ROBO2: variants seen among roughly 807,000 people sequenced by gnomAD.
The protein encoded by ROBO2 is roundabout homolog 2.
In ROBO2, 53 loss-of-function variants were observed where a neutral mutation model predicts 160.8. The ratio of observed to expected loss-of-function variants is 0.33; its 90% CI spans 0.26 to 0.41. The LOEUF (loss-of-function observed/expected upper bound fraction) is 0.41, where lower values mean the gene tolerates loss of function less well. Ranked by LOEUF, ROBO2 falls within the 10% of genes least tolerant of loss-of-function variation. ROBO2 has a pLI of 1.00. For missense variants in ROBO2, 1,577 were observed against 1,722.4 expected, an observed-to-expected ratio of 0.92 and a Z score of 1.49; for synonymous variants, 664 against 611.7, an observed-to-expected ratio of 1.09 and a Z score of -1.26.
intron 2 of ROBO2, among the ~76,000 whole-genome samples, chr3:77,135,233 C>T (rs2076184037): frequency 6.6e-6 from 1 of 152,118 alleles, no homozygotes; most frequent in African/African-American, 2.4e-5. Flanking sequence ...GCAGTTTGAA[C>T]TCTAGTTTTA....
At chr3:76,055,697 T>C (rs2067818084) in intron 2 of ROBO2, among the ~76,000 whole-genome samples, 1 of 152,244 alleles carries the variant, frequency 6.6e-6, no homozygotes, top group Non-Finnish European at 1.5e-5. Flanking sequence ...CTGTATGGTA[T>C]TCCAAGGTGT....
intron 2 of ROBO2, among the ~76,000 whole-genome samples, chr3:77,423,287 G>A (rs910473149): frequency 1.3e-5 from 2 of 152,074 alleles, no homozygotes. Flanking sequence ...TATTTGTTGT[G>A]TAGTTGGTAT....
rs561393604 is a variant in ROBO2, at chr3:77,401,430, G to A, written c.389-75984G>A. 1.6e-4 allele frequency among the ~76,000 whole-genome samples: 24 copies of A among 152,112 alleles called. 1 individual carries two copies. The South Asian group carries it at 4.4e-3, about 28-fold the overall frequency. ...TATTTTTATGTGAATTTTCATATAC[G>A]CTAGATGCAACTCAGAATTTTATGA... On this transcript the variant is annotated intron_variant, in intron 2 of 25. Transcript: ENST00000461745.
At chr3:77,568,885 TTA>T (rs1276846878) in intron 13 of ROBO2, among the ~76,000 whole-genome samples, 1 of 152,036 alleles carries the variant, frequency 6.6e-6, no homozygotes, top group African/African-American at 2.4e-5. Context: ...TCTGGACCTT[TTA>T]TATGAGTACA....
intron 2 of ROBO2, among the ~76,000 whole-genome samples, chr3:76,782,197 T>C (rs754313930): frequency 1.9e-4 from 28 of 150,802 alleles, no homozygotes; most frequent in Admixed American, 8.0e-4. Flanking sequence ...GTGAATTATC[T>C]GATTTTCTTC....
At chr3:76,051,486 C>T (rs62267247) in intron 2 of ROBO2, among the ~76,000 whole-genome samples, 16,577 of 152,144 alleles carry the variant, frequency 0.11, 1,078 homozygotes, top group Non-Finnish European at 0.14. Context: ...TGGTTTCTGA[C>T]AGGTAAAATG....
chr3:76,738,133 C>CA (rs1213065380), intron 2 of ROBO2, among the ~76,000 whole-genome samples: 5 of 150,182 alleles, frequency 3.3e-5, no homozygotes, highest in African/African-American at 4.9e-5. Context: ...GACCCTGACT[C>CA]AAAAAAAATA....
chr3:77,303,858 G>A (rs1051938653), intron 2 of ROBO2, among the ~76,000 whole-genome samples: 1 of 152,004 alleles, frequency 6.6e-6, no homozygotes, highest in South Asian at 2.1e-4. Flanking sequence ...CTGGGGACAT[G>A]GAAGGTGGCT....
intron 2 of ROBO2, among the ~76,000 whole-genome samples, chr3:77,269,090 T>G (rs1316106601): frequency 6.7e-6 from 1 of 148,658 alleles, no homozygotes; most frequent in East Asian, 2.0e-4. Context: ...TCATATCCTG[T>G]GTTGGTATAA....
At chr3:76,636,355 C>G (rs901794820) in intron 2 of ROBO2, among the ~76,000 whole-genome samples, 1 of 152,178 alleles carries the variant, frequency 6.6e-6, no homozygotes, top group African/African-American at 2.4e-5. Flanking sequence ...TCATCTTTAG[C>G]TGTAAACTAC....
At chr3:76,545,285 A>T (rs1399646197) in intron 2 of ROBO2, among the ~76,000 whole-genome samples, 2 of 151,966 alleles carry the variant, frequency 1.3e-5, no homozygotes, top group African/African-American at 2.4e-5. Flanking sequence ...TTAAGGGTCT[A>T]TTTTTATCTA....
chr3:75,965,499 G>A (rs13088355), intron 2 of ROBO2, among the ~76,000 whole-genome samples: 1,043 of 6,786 alleles, frequency 0.15, no homozygotes, highest in East Asian at 0.5. Flanking sequence ...TGTGATTAGT[G>A]TAATTGTGCA....
chr3:76,814,017 C>T (rs1288751736), intron 2 of ROBO2, among the ~76,000 whole-genome samples: 4 of 152,034 alleles, frequency 2.6e-5, no homozygotes, highest in African/African-American at 9.6e-5. Flanking sequence ...ATACATATGC[C>T]TGAGAAACAA....
chr3:77,014,100 A>G (rs1209465655), intron 2 of ROBO2, among the ~76,000 whole-genome samples: 1 of 149,438 alleles, frequency 6.7e-6, no homozygotes, highest in East Asian at 2.0e-4. Context: ...GGTCTGTACA[A>G]ATACTTTCAA....
intron 2 of ROBO2, among the ~76,000 whole-genome samples, chr3:75,998,101 T>C (rs1014365934): frequency 1.3e-5 from 2 of 152,210 alleles, no homozygotes; most frequent in Non-Finnish European, 2.9e-5. Context: ...CAGATTCTAA[T>C]CATTCTATAT....
intron 2 of ROBO2, chr3:77,317,177 G>A: frequency 1.1e-6 from 1 of 911,992 alleles, no homozygotes; most frequent in East Asian, 2.4e-5. Flanking sequence ...CTGTAACCCG[G>A]CACTAGAGCA....
Position 76,692,559 on chromosome 3 carries a change from C to T in ROBO2, c.110-405455C>T, listed in dbSNP as rs1175368939. Among the ~76,000 whole-genome samples the T allele has an allele frequency of 2.0e-5, 3 of 152,218 alleles. No homozygotes were observed. The East Asian group carries it at 5.8e-4, about 29-fold the overall frequency. Reference sequence around the variant, plus strand: ...AGAACAATGAGATTTACAATATTTACAGGTCTTCTGAGATGATCAATTGAC... The same window carrying T: ...AGAACAATGAGATTTACAATATTTATAGGTCTTCTGAGATGATCAATTGAC... On this transcript the variant is annotated intron_variant, in intron 2 of 26. Coordinates refer to the ROBO2 transcript ENST00000487694.
chr3:77,586,129 C>T (rs141823279), intron 16 of ROBO2, among the ~76,000 whole-genome samples: 113 of 152,202 alleles, frequency 7.4e-4, no homozygotes, highest in African/African-American at 2.6e-3. Flanking sequence ...TTGTTCTTTT[C>T]TGTGCAGTTT....
At chr3:76,896,255 A>G (rs1334035016) in intron 2 of ROBO2, among the ~76,000 whole-genome samples, 1 of 152,202 alleles carries the variant, frequency 6.6e-6, no homozygotes, top group South Asian at 2.1e-4. Flanking sequence ...TGTTAACTCA[A>G]TTCTTAGCCA....
Sources: allele counts gnomAD v4.1 joint callset (sites outside exome capture counted in the v4.1 genomes callset), GRCh38; gene constraint gnomAD v4.1.1; transcripts MANE v1.5; gene names NCBI Gene and HGNC (gene_info 2026-07-23, HGNC 2026-07-21).